NAA16: variants seen among roughly 807,000 people sequenced by gnomAD.
NAA16 encodes N-alpha-acetyltransferase 16, NatA auxiliary subunit.
In NAA16, 97 loss-of-function variants were observed where a neutral mutation model predicts 110.3. The ratio of observed to expected loss-of-function variants is 0.88; its 90% CI spans 0.75 to 1.04. The LOEUF is 1.04. NAA16 is among the 50% of genes least tolerant of loss of function. The pLI, the probability that NAA16 is intolerant of heterozygous loss-of-function variation, is 0.00. For missense variants in NAA16, 1,017 were observed against 1,005.1 expected, an observed-to-expected ratio of 1.01 and a Z score of -0.16; for synonymous variants, 372 against 330.6, an observed-to-expected ratio of 1.13 and a Z score of -1.36.
chr13:41,365,701 A>G (rs1389998456), intron 13 of NAA16, among the ~76,000 whole-genome samples: 1 of 152,218 alleles, frequency 6.6e-6, no homozygotes, highest in East Asian at 1.9e-4. Context: ...GCAAACTAGG[A>G]TAAGTTGGTC....
chr13:41,321,917 G>A (rs1192678479), intron 4 of NAA16, among the ~76,000 whole-genome samples: 1 of 152,126 alleles, frequency 6.6e-6, no homozygotes, highest in East Asian at 1.9e-4. Flanking sequence ...GGGCTCTGCT[G>A]AACTTACTAT....
chr13:41,338,847 T>C (rs1190836662), intron 9 of NAA16, among the ~76,000 whole-genome samples: 4 of 152,212 alleles, frequency 2.6e-5, no homozygotes, highest in Non-Finnish European at 5.9e-5. Context: ...TCTGAGATTT[T>C]TGGTACACCC....
At chr13:41,311,811 CA>C (rs1465063487) in intron 1 of NAA16, among the ~76,000 whole-genome samples, 2 of 152,206 alleles carry the variant, frequency 1.3e-5, no homozygotes, top group Non-Finnish European at 2.9e-5. Context: ...CGGCTCGCCT[CA>C]CCCCCGCCGC....
Position 41,311,468 on chromosome 13 carries a change from G to A in NAA16, c.-61G>A, listed in dbSNP as rs1263577788. 1 of 1,523,602 alleles carries A rather than the reference G, an allele frequency of 6.6e-7. No homozygotes were observed. Among genetic ancestry groups the A allele is most frequent in the Non-Finnish European group, 8.9e-7 (1 of 1,121,874 alleles). The allele number at this position is 1,523,602 out of a possible 1,614,324, so 94.4% of individuals were successfully genotyped here. ...GGTTCGTCCCGGTGCCCACCCCCGC[G>A]AAGCGGAGCGCCCGGGCACCTAGCC... is the stretch of plus-strand genomic sequence containing the variant. On this transcript the variant is annotated 5_prime_UTR_variant, in exon 1 of 20. Coordinates refer to ENST00000379406, the MANE Select transcript of NAA16 (RefSeq NM_024561.5).
chr13:41,372,575 A>G (rs886800980), intron 16 of NAA16, 157 bp from the exon 17 acceptor site: 80 of 985,316 alleles, frequency 8.1e-5, no homozygotes, highest in Non-Finnish European at 9.0e-5. Context: ...TTAGAAAGCC[A>G]TAGTTGACTT....
intron 9 of NAA16, among the ~76,000 whole-genome samples, chr13:41,343,369 T>C (rs1196510271): frequency 6.6e-6 from 1 of 152,132 alleles, no homozygotes; most frequent in Non-Finnish European, 1.5e-5. Context: ...CGATTACAGG[T>C]GTGAGCCACC....
chr13:41,373,733 A>T lies in NAA16; in HGVS notation c.2252A>T (p.Glu751Val), dbSNP rs1412872179. ...FVKKDLESFN[E>V]DFLKRNATSL... is the part of the protein sequence containing the mutation. The stretch of plus-strand genomic sequence containing the variant: ...AAAAAGGATTTGGAAAGTTTTAATG[A>T]GGATTTTCTGAAACGTAACGCTACC... Residue 751 changes from glutamate (E) to valine (V), a missense_variant, in exon 18 of 20, where the codon GAG becomes GTG. Glu to Val is a moderately radical substitution (Grantham distance 121). Transcript: ENST00000379406. 1 of 1,611,892 alleles carries T rather than the reference A, an allele frequency of 6.2e-7. No individual in the cohort carries two copies. The highest frequency in any genetic ancestry group is 1.7e-5 in the Admixed American group (1 of 59,582).
chr13:41,373,881 G>T (rs1026311204), intron 18 of NAA16, 101 bp downstream of exon 18: 1 of 1,422,766 alleles, frequency 7.0e-7, no homozygotes, highest in Non-Finnish European at 9.2e-7. Flanking sequence ...AGTACTGTGT[G>T]TAAGTATGGG....
In NAA16 at chr13:41,328,713, C is replaced by T. The variant is rs773304459; in HGVS notation, c.692-11C>T. ...TGTTTAAAATGAATATGTCTTTAAA[C>T]TTAATTTCAGGGGAAATACTGTTGA... On this transcript the variant is annotated splice_polypyrimidine_tract_variant and intron_variant, in intron 6 of 19. Transcript: ENST00000379406. 1.3e-6 allele frequency: 2 copies of T among 1,597,576 alleles called. No individual in the cohort carries two copies. Among genetic ancestry groups the T allele is most frequent in the East Asian group, 4.5e-5 (2 of 44,574 alleles).
intron 4 of NAA16, among the ~76,000 whole-genome samples, 200 bp downstream of exon 4, chr13:41,321,024 G>T (rs2501951): frequency 0.053 from 8,035 of 152,356 alleles, 284 homozygotes; most frequent in Non-Finnish European, 0.074. Flanking sequence ...AACTGGTGGG[G>T]TGTGGTGGCC....
chr13:41,365,078 C>T (rs971413512), intron 13 of NAA16, among the ~76,000 whole-genome samples: 4 of 152,126 alleles, frequency 2.6e-5, no homozygotes, highest in African/African-American at 7.2e-5. Flanking sequence ...GATTTGAATA[C>T]GTACTTTTCT....
At chr13:41,318,986 A>C in intron 3 of NAA16, 76 bp downstream of exon 3, 2 of 779,808 alleles carry the variant, frequency 2.6e-6, no homozygotes, top group South Asian at 2.5e-5. Context: ...TGTACTATGA[A>C]AATTCCAAAC....
chr13:41,352,529 C>G (rs1464993736), intron 9 of NAA16, among the ~76,000 whole-genome samples: 1 of 151,798 alleles, frequency 6.6e-6, no homozygotes, highest in Non-Finnish European at 1.5e-5. Flanking sequence ...GTGGTGCACA[C>G]CTTTAGTTCC....
chr13:41,351,100 A>G (rs1351482765), intron 9 of NAA16, among the ~76,000 whole-genome samples: 1 of 152,222 alleles, frequency 6.6e-6, no homozygotes, highest in Non-Finnish European at 1.5e-5. Context: ...CTTTGATTCC[A>G]TTGAAGTTGG....
At position 41,361,770 on chromosome 13, in the gene NAA16, C is replaced by T. The variant is rs141761180; in HGVS notation, c.1411-261C>T. Among the ~76,000 whole-genome samples the T allele has an allele frequency of 9.2e-5, 14 of 152,278 alleles. No individual in the cohort carries two copies. In the South Asian group the frequency reaches 1.7e-3, roughly 18 times the overall value. On this transcript the variant is annotated intron_variant, in intron 12 of 19. Coordinates refer to ENST00000379406, the MANE Select transcript of NAA16 (RefSeq NM_024561.5). ...ATTCAGAATGGCATGCAGTTGAAAA[C>T]GTATGAATTGTTTATTTCTGCAATT...
At chr13:41,360,988 G>A (rs545101286) in intron 12 of NAA16, among the ~76,000 whole-genome samples, 1 of 152,092 alleles carries the variant, frequency 6.6e-6, no homozygotes, top group African/African-American at 2.4e-5. Flanking sequence ...GTTTTTAGAC[G>A]TTTAATGTGT....
At chr13:41,329,939 C>G (rs575835295) in intron 7 of NAA16, among the ~76,000 whole-genome samples, 3 of 152,002 alleles carry the variant, frequency 2.0e-5, no homozygotes, top group African/African-American at 7.2e-5. Context: ...AACTTATGAC[C>G]TTTCCTTCCC....
At chr13:41,320,092 T>C (rs1211959822) in intron 3 of NAA16, among the ~76,000 whole-genome samples, 1 of 152,188 alleles carries the variant, frequency 6.6e-6, no homozygotes, top group Non-Finnish European at 1.5e-5. Context: ...GTAAGTATGA[T>C]AGTTTTGTGG....
intron 13 of NAA16, chr13:41,362,825 C>T (rs1380212548): frequency 1.6e-6 from 2 of 1,289,206 alleles, no homozygotes; most frequent in African/African-American, 1.5e-5. Flanking sequence ...GCAATCGGCA[C>T]CACTGTTCCC....
Sources: gnomAD v4.1 joint callset for allele counts (sites outside exome capture counted in the v4.1 genomes callset) on GRCh38, gnomAD v4.1.1 for gene constraint, MANE v1.5 for transcripts, NCBI Gene and HGNC (gene_info 2026-07-23, HGNC 2026-07-21) for gene names.